The following POM121 variants were observed in gnomAD, a reference collection of about 807,000 sequenced individuals.
The protein encoded by POM121 is POM121 transmembrane nucleoporin.
A neutral mutation model predicts 81.3 loss-of-function variants in POM121; 32 were observed. The ratio of observed to expected loss-of-function variants is 0.39; its 90% CI spans 0.30 to 0.53. POM121 has a LOEUF of 0.53. POM121 is among the 20% of genes least tolerant of loss of function. The pLI is 0.66. For missense variants in POM121, 1,138 were observed against 1,614.6 expected (o/e 0.70, Z 5.06); for synonymous variants, 514 against 694.2 (o/e 0.74, Z 4.08).
At chr7:72,937,085 T>C (rs1466500199) in intron 5 of POM121, among the ~76,000 whole-genome samples, 1 of 152,050 alleles carries the variant, frequency 6.6e-6, no homozygotes, top group African/African-American at 2.4e-5. Context: ...TGAAACCCTG[T>C]CTCTACTAAA....
chr7:72,934,930 T>C (rs1462423639), intron 5 of POM121, among the ~76,000 whole-genome samples: 1 of 152,126 alleles, frequency 6.6e-6, no homozygotes, highest in Non-Finnish European at 1.5e-5. Context: ...AGCCTTATAC[T>C]TTAAGTCTTG....
rs782000808 is a variant in POM121 at position 72,945,563 on chromosome 7, GCT to G, written c.3530-18_3530-17del. ...GCCTCTGCCCTCTGCTCACTGGCCAGCTCTCTGTTCTCTTCATTCCAGGCACC... is the reference window on the plus strand; with the variant it reads ...GCCTCTGCCCTCTGCTCACTGGCCAGCTCTGTTCTCTTCATTCCAGGCACC... On this transcript the variant is annotated intron_variant, in intron 11 of 12. Coordinates refer to ENST00000434423, the MANE Select transcript of POM121 (RefSeq NM_001387691.1). The G allele has an allele frequency of 2.5e-6, 4 of 1,613,004 alleles. No individual in the cohort carries two copies. The African/African-American group carries it at 5.3e-5, about 22-fold the overall frequency.
chr7:72,899,110 T>A (rs1792301879), intron 3 of POM121, among the ~76,000 whole-genome samples: 1 of 150,336 alleles, frequency 6.7e-6, no homozygotes, highest in Non-Finnish European at 1.5e-5. Context: ...AGCCCCTGAG[T>A]AGCTGGGGAT....
chr7:72,949,065 C>G (rs202147432), downstream of POM121: 923 of 1,613,442 alleles, frequency 5.7e-4, 22 homozygotes, highest in Admixed American at 0.011. Flanking sequence ...GGCTAGGTGT[C>G]CCTGCCCCGG....
At chr7:72,921,165 C>G (rs1312739265), upstream of POM121, among the ~76,000 whole-genome samples, 1 of 152,066 alleles carries the variant, frequency 6.6e-6, no homozygotes, top group African/African-American at 2.4e-5. Flanking sequence ...ACCTGGGCAA[C>G]GAGCAACAGG....
chr7:72,922,791 C>T (rs112652765), upstream of POM121, among the ~76,000 whole-genome samples: 230 of 152,160 alleles, frequency 1.5e-3, 1 homozygote, highest in African/African-American at 4.8e-3. Flanking sequence ...AGGAGTGCCC[C>T]GAGGGCTCAG....
At chr7:72,948,630 C>G, downstream of POM121, 1 of 1,601,712 alleles carries the variant, frequency 6.2e-7, no homozygotes, top group African/African-American at 1.3e-5. Context: ...TGTGCCAGTA[C>G]CATCCTGCGC....
chr7:72,937,020 G>T (rs1290656252), intron 5 of POM121, among the ~76,000 whole-genome samples: 1 of 151,950 alleles, frequency 6.6e-6, no homozygotes, highest in Non-Finnish European at 1.5e-5. Context: ...ACTTTTGGAG[G>T]CCAAGGCAGG....
upstream of POM121, among the ~76,000 whole-genome samples, chr7:72,920,484 G>A (rs1794708443): frequency 6.6e-6 from 1 of 151,756 alleles, no homozygotes; most frequent in Admixed American, 6.6e-5. Flanking sequence ...GAGTAGCTGG[G>A]ACTACAGGCA....
At chr7:72,950,441 A>C (rs572788448), downstream of POM121, 9,850 of 533,122 alleles carry the variant, frequency 0.018, 153 homozygotes, top group Middle Eastern at 0.03. Flanking sequence ...CCCCACTGGC[A>C]TCTCTGTAAA....
At chr7:72,895,569 G>A (rs1791858676) in intron 3 of POM121, among the ~76,000 whole-genome samples, 1 of 152,088 alleles carries the variant, frequency 6.6e-6, no homozygotes, top group Admixed American at 6.6e-5. Flanking sequence ...ATCTCCTTCT[G>A]TCATCGTTCA....
chr7:72,950,421 C>G, downstream of POM121: 2 of 562,468 alleles, frequency 3.6e-6, no homozygotes. Flanking sequence ...GCAAGTGATT[C>G]AATCTCAAGC....
chr7:72,887,773 G>A (rs1554490291), intron 1 of POM121, among the ~76,000 whole-genome samples: 1 of 152,200 alleles, frequency 6.6e-6, no homozygotes. Flanking sequence ...GTTGCAGTGA[G>A]CCGAGATTGT....
intron 5 of POM121, among the ~76,000 whole-genome samples, chr7:72,938,231 C>CTT (rs879963343): frequency 1.4e-5 from 2 of 143,608 alleles, no homozygotes; most frequent in South Asian, 2.2e-4. Flanking sequence ...ATTTTCTTTT[C>CTT]TTTTTTTTTT....
intron 4 of POM121, among the ~76,000 whole-genome samples, chr7:72,918,234 C>A (rs1794474718): frequency 6.6e-6 from 1 of 152,126 alleles, no homozygotes; most frequent in South Asian, 2.1e-4. Flanking sequence ...CTTCTCTAAA[C>A]TCCCCCGGGG....
In POM121 at chr7:72,925,129, C is replaced by G; in HGVS notation, c.8C>G (p.Pro3Arg). Reference sequence around the variant, plus strand: ...CCGCGGCGCGGAGCCGCGATGTCTCCGGCGGCTGCGGCGGCTGGAGCAGGC... The same window carrying G: ...CCGCGGCGCGGAGCCGCGATGTCTCGGGCGGCTGCGGCGGCTGGAGCAGGC... Reference protein sequence around the residue: MSPAAAAAGAGER... With the variant: MSRAAAAAGAGER... The change falls in exon 1 of 13, where the codon CCG becomes CGG. Residue 3 changes from proline to arginine, a missense_variant. Around this residue, in one of 7 missense-constraint regions of POM121, gnomAD observed 646 missense variants for 633.5 expected, o/e 1.02. Coordinates refer to ENST00000434423, the MANE Select transcript of POM121 (RefSeq NM_001387691.1). 1 of 1,420,654 alleles carries G rather than the reference C, an allele frequency of 7.0e-7. No homozygotes were observed. The allele number at this position is 1,420,654 out of a possible 1,614,324, so 88.0% of individuals were successfully genotyped here.
chr7:72,933,142 C>A (rs75827332), intron 5 of POM121, among the ~76,000 whole-genome samples: 93 of 151,634 alleles, frequency 6.1e-4, no homozygotes, highest in East Asian at 3.1e-3. Context: ...ACCTGAAATC[C>A]GGAGTTTGAG....
intron 3 of POM121, among the ~76,000 whole-genome samples, chr7:72,913,400 A>T (rs1360277731): frequency 6.6e-6 from 1 of 152,178 alleles, no homozygotes; most frequent in Non-Finnish European, 1.5e-5. Context: ...GTCTTCCTTT[A>T]CTTTATCTGG....
chr7:72,941,684 ACTGTACAGGC>A (rs1554501056), intron 10 of POM121, among the ~76,000 whole-genome samples, 143 bp from the exon 11 acceptor site: 1 of 151,958 alleles, frequency 6.6e-6, no homozygotes, highest in African/African-American at 2.4e-5. Context: ...TCCTTGATTT[ACTGTACAGGC>A]CTGTAGTGTA....
Sources: gnomAD v4.1 joint callset for allele counts (sites outside exome capture counted in the v4.1 genomes callset) on GRCh38, gnomAD v4.1.1 for gene constraint, gnomAD v4.1.1 regional missense constraint, MANE v1.5 for transcripts, NCBI Gene and HGNC (gene_info 2026-07-23, HGNC 2026-07-21) for gene names.